The following MTUS2 variants were observed in gnomAD, a reference collection of about 807,000 sequenced individuals.
MTUS2 encodes microtubule associated scaffold protein 2.
MTUS2 carries 40 observed loss-of-function variants against 114.1 expected under a neutral mutation model. The observed-to-expected ratio is 0.35, with a 90% CI of 0.27 to 0.46. MTUS2 has a LOEUF of 0.46. Among genes scored for constraint, MTUS2 ranks in the 20% least tolerant of loss-of-function variants. The pLI is 1.00. For missense variants in MTUS2, 1,679 were observed against 1,705.4 expected (o/e 0.98, Z 0.27); for synonymous variants, 688 against 672.0 (o/e 1.02, Z -0.37).
At chr13:28,982,842 C>T (rs909614162) in intron 2 of MTUS2, among the ~76,000 whole-genome samples, 2 of 151,978 alleles carry the variant, frequency 1.3e-5, no homozygotes, top group African/African-American at 2.4e-5. Flanking sequence ...AATTCATAGA[C>T]GAAAAGTAGA....
chr13:29,133,177 C>T (rs1432510084), intron 5 of MTUS2, among the ~76,000 whole-genome samples: 1 of 152,086 alleles, frequency 6.6e-6, no homozygotes, highest in African/African-American at 2.4e-5. Flanking sequence ...AGATCCGTCT[C>T]CTCCAGTCCT....
chr13:29,080,697 C>G (rs1460672868), intron 4 of MTUS2, among the ~76,000 whole-genome samples: 1 of 152,056 alleles, frequency 6.6e-6, no homozygotes, highest in Non-Finnish European at 1.5e-5. Context: ...CTTTCCCAGT[C>G]CACTGACTCA....
intron 2 of MTUS2, among the ~76,000 whole-genome samples, chr13:28,902,683 G>A (rs1879715520): frequency 1.3e-5 from 2 of 152,044 alleles, no homozygotes; most frequent in Admixed American, 6.6e-5. Flanking sequence ...CCTAGTGTGT[G>A]TAATTCTTTT....
chr13:28,860,186 A>T (rs533832334), intron 2 of MTUS2, among the ~76,000 whole-genome samples: 1 of 152,214 alleles, frequency 6.6e-6, no homozygotes, highest in Non-Finnish European at 1.5e-5. Flanking sequence ...GTCCTCCCTT[A>T]AACAAATACT....
chr13:28,990,432 A>C (rs570231787), intron 2 of MTUS2, among the ~76,000 whole-genome samples: 188 of 152,234 alleles, frequency 1.2e-3, no homozygotes, highest in African/African-American at 4.4e-3. Context: ...AGGATTGTAA[A>C]TGCACCAATC....
At chr13:28,944,064 A>G (rs1358919910) in intron 2 of MTUS2, among the ~76,000 whole-genome samples, 2 of 152,092 alleles carry the variant, frequency 1.3e-5, no homozygotes, top group Non-Finnish European at 2.9e-5. Flanking sequence ...ATTTCTAAGC[A>G]TAGAAGATGT....
chr13:29,391,886 G>A (rs996979571), intron 8 of MTUS2, among the ~76,000 whole-genome samples: 2 of 151,772 alleles, frequency 1.3e-5, no homozygotes, highest in African/African-American at 4.8e-5. Context: ...ACCTATAATA[G>A]CACTTTGGGA....
intron 4 of MTUS2, among the ~76,000 whole-genome samples, chr13:29,098,801 G>A (rs1890288890): frequency 6.6e-6 from 1 of 152,154 alleles, no homozygotes; most frequent in Non-Finnish European, 1.5e-5. Flanking sequence ...TAGGTACTCT[G>A]TTAAAAATTC....
chr13:29,165,736 A>G (rs1306800623), intron 5 of MTUS2, among the ~76,000 whole-genome samples: 1 of 152,220 alleles, frequency 6.6e-6, no homozygotes, highest in Non-Finnish European at 1.5e-5. Flanking sequence ...CAACATTAAC[A>G]TGTCCACTGT....
chr13:29,491,199 T>G (rs1485248894), intron 11 of MTUS2, among the ~76,000 whole-genome samples: 1 of 29,426 alleles, frequency 3.4e-5, no homozygotes, highest in Non-Finnish European at 1.2e-4. Flanking sequence ...TGGTGTATGG[T>G]GGGGGTGTGG....
At chr13:29,476,549 C>T (rs570896605) in intron 9 of MTUS2, 105 of 110,244 alleles carry the variant, frequency 9.5e-4, no homozygotes, top group African/African-American at 3.4e-3. Context: ...ATATAATTCA[C>T]ATACCATACA....
chr13:28,905,088 T>A (rs541754402), intron 2 of MTUS2, among the ~76,000 whole-genome samples: 20 of 151,750 alleles, frequency 1.3e-4, no homozygotes, highest in South Asian at 6.3e-4. Flanking sequence ...TGCTTGTGAT[T>A]TTTGTACATT....
At chr13:29,389,883 A>G (rs550023315) in intron 8 of MTUS2, among the ~76,000 whole-genome samples, 1 of 98,026 alleles carries the variant, frequency 1.0e-5, no homozygotes, top group African/African-American at 3.5e-5. Flanking sequence ...ATATACATAC[A>G]TATGTGTATA....
Position 29,371,983 on chromosome 13 carries a change from CCCCCACA to C in MTUS2, c.3117+12512_3117+12518del, listed in dbSNP as rs1353673598. ...TAAGTGTCCTCAACCCCCGCCCCCC[CCCCCACA>C]CACACACACAAGCACAAAAGGTAAC... is the stretch of plus-strand genomic sequence containing the variant. On this transcript the variant is annotated intron_variant, in intron 8 of 15. Coordinates refer to ENST00000612955, the MANE Select transcript of MTUS2 (RefSeq NM_001033602.4). Among the ~76,000 whole-genome samples the C allele has an allele frequency of 1.3e-4, 8 of 63,054 alleles. 1 individual carries two copies. The East Asian group carries it at 2.2e-3, about 17-fold the overall frequency. 41.4% of individuals were successfully genotyped at this position (63,054 alleles called of 152,430 possible).
At chr13:28,998,436 C>T (rs993013638) in intron 2 of MTUS2, among the ~76,000 whole-genome samples, 3 of 152,180 alleles carry the variant, frequency 2.0e-5, no homozygotes, top group Non-Finnish European at 2.9e-5. Flanking sequence ...GAATATTGGC[C>T]TGCCTTGCTA....
intron 9 of MTUS2, among the ~76,000 whole-genome samples, chr13:29,441,598 C>T (rs796168288): frequency 3.9e-4 from 59 of 152,226 alleles, no homozygotes; most frequent in African/African-American, 8.9e-4. Flanking sequence ...CTCAAAGACC[C>T]GTGTTGAGAG....
intron 4 of MTUS2, among the ~76,000 whole-genome samples, chr13:29,085,828 A>G (rs1332350069): frequency 4.6e-5 from 7 of 151,990 alleles, no homozygotes; most frequent in Non-Finnish European, 1.0e-4. Context: ...CTAGGTCAAA[A>G]TCAGTTCTAA....
intron 1 of MTUS2, among the ~76,000 whole-genome samples, chr13:28,827,549 A>G (rs1451245914): frequency 6.6e-6 from 1 of 152,206 alleles, no homozygotes; most frequent in African/African-American, 2.4e-5. Flanking sequence ...GAGAATAACA[A>G]TAAAAGCAGG....
intron 8 of MTUS2, among the ~76,000 whole-genome samples, chr13:29,378,916 C>T (rs1196999530): frequency 6.6e-6 from 1 of 152,126 alleles, no homozygotes; most frequent in Non-Finnish European, 1.5e-5. Context: ...GGGGAGGGAC[C>T]TCATTGGAAG....
Sources: allele counts gnomAD v4.1 joint callset (sites outside exome capture counted in the v4.1 genomes callset), GRCh38; gene constraint gnomAD v4.1.1; transcripts MANE v1.5; gene names NCBI Gene and HGNC (gene_info 2026-07-23, HGNC 2026-07-21).